ADAMTS14: variants seen among roughly 807,000 people sequenced by gnomAD.
The protein encoded by ADAMTS14 is A disintegrin and metalloproteinase with thrombospondin motifs 14.
In ADAMTS14, 100 loss-of-function variants were observed where a neutral mutation model predicts 128.6. The ratio of observed to expected loss-of-function variants is 0.78; its 90% CI spans 0.66 to 0.92. The LOEUF (loss-of-function observed/expected upper bound fraction) is 0.92. ADAMTS14 is among the 40% of genes least tolerant of loss of function. ADAMTS14 has a pLI of 0.00. For synonymous variants in ADAMTS14, 665 were observed against 653.8 expected, an observed-to-expected ratio of 1.02 and a Z score of -0.26; for missense variants, 1,562 against 1,658.6, an observed-to-expected ratio of 0.94 and a Z score of 1.01.
At chr10:70,676,423 T>C (rs1839649425) in intron 2 of ADAMTS14, among the ~76,000 whole-genome samples, 1 of 152,244 alleles carries the variant, frequency 6.6e-6, no homozygotes, top group African/African-American at 2.4e-5. Flanking sequence ...TAAATTTTCA[T>C]CCCATTGAAG....
At chr10:70,722,174 G>A (rs544657254) in intron 4 of ADAMTS14, among the ~76,000 whole-genome samples, 1 of 152,288 alleles carries the variant, frequency 6.6e-6, no homozygotes, top group East Asian at 1.9e-4. Flanking sequence ...GGACTCAATA[G>A]GATGCAGCAT....
chr10:70,704,542 GAC>G (rs1840595720), intron 3 of ADAMTS14, among the ~76,000 whole-genome samples: 1 of 148,156 alleles, frequency 6.7e-6, no homozygotes, highest in South Asian at 2.1e-4. Flanking sequence ...CTCACACATA[GAC>G]ACACACCATC....
At chr10:70,725,284 C>T (rs1841392804) in intron 4 of ADAMTS14, among the ~76,000 whole-genome samples, 2 of 152,138 alleles carry the variant, frequency 1.3e-5, no homozygotes, top group South Asian at 4.1e-4. Flanking sequence ...GAAGGCTGAA[C>T]AGGTCTCATG....
chr10:70,699,571 T>C (rs1268154383), intron 2 of ADAMTS14, among the ~76,000 whole-genome samples: 1 of 152,014 alleles, frequency 6.6e-6, no homozygotes, highest in African/African-American at 2.4e-5. Flanking sequence ...ACGAGCACGA[T>C]GATCTTGAAA....
At chr10:70,746,570 G>T (rs1310980893) in intron 15 of ADAMTS14, among the ~76,000 whole-genome samples, 1 of 152,220 alleles carries the variant, frequency 6.6e-6, no homozygotes, top group Non-Finnish European at 1.5e-5. Context: ...CACTTTGGGA[G>T]GCCAAGGTGG....
At chr10:70,737,722 C>T (rs1589319290) in intron 10 of ADAMTS14, among the ~76,000 whole-genome samples, 1 of 152,162 alleles carries the variant, frequency 6.6e-6, no homozygotes, top group South Asian at 2.1e-4. Context: ...TTAAGTTTTC[C>T]CAGGTGTTTT....
At chr10:70,723,588 A>G (rs548012642) in intron 4 of ADAMTS14, among the ~76,000 whole-genome samples, 69 of 152,350 alleles carry the variant, frequency 4.5e-4, no homozygotes, top group Admixed American at 1.9e-3. Context: ...GCGAGGATTC[A>G]GTGAAGCAAT....
intron 4 of ADAMTS14, among the ~76,000 whole-genome samples, chr10:70,713,288 T>C (rs1470842132): frequency 8.3e-6 from 1 of 120,628 alleles, no homozygotes; most frequent in South Asian, 2.8e-4. Flanking sequence ...TGTTCAGAGC[T>C]GGGTGCTGTG....
intron 15 of ADAMTS14, among the ~76,000 whole-genome samples, 160 bp from the exon 16 acceptor site, chr10:70,749,662 C>A (rs537387990): frequency 1.0e-4 from 15 of 145,846 alleles, no homozygotes; most frequent in Admixed American, 6.8e-5. Flanking sequence ...TGACAGGGAG[C>A]GTGTTGACCT....
intron 2 of ADAMTS14, among the ~76,000 whole-genome samples, chr10:70,691,748 T>G (rs1483408511): frequency 1.3e-5 from 2 of 152,128 alleles, no homozygotes; most frequent in Admixed American, 1.3e-4. Flanking sequence ...TCCCCCACGC[T>G]GGATCACTTG....
intron 2 of ADAMTS14, among the ~76,000 whole-genome samples, chr10:70,694,220 G>T (rs565425487): frequency 6.6e-6 from 1 of 152,314 alleles, no homozygotes; most frequent in South Asian, 2.1e-4. Context: ...TGCCACATGC[G>T]TGTCGTCTCT....
At position 70,742,002 on chromosome 10, in the gene ADAMTS14, C is replaced by T. The variant is rs138731903; in HGVS notation, c.1924+840C>T. On this transcript the variant is annotated intron_variant, in intron 12 of 21. Coordinates refer to ENST00000373207, the MANE Select transcript of ADAMTS14 (RefSeq NM_080722.4). ...TTGGCCCAGACAGCTCCCATCAGGA[C>T]GGGCTTTCCTCCCTGGAGCCTGGGC... Among the ~76,000 whole-genome samples the T allele has an allele frequency of 2.4e-4, 37 of 152,316 alleles. 1 individual carries two copies. Among genetic ancestry groups the T allele is most frequent in the Middle Eastern group, 3.4e-3 (1 of 294 alleles).
chr10:70,714,959 A>G (rs1480099833), intron 4 of ADAMTS14, among the ~76,000 whole-genome samples: 8 of 143,850 alleles, frequency 5.6e-5, no homozygotes, highest in African/African-American at 2.0e-4. Flanking sequence ...AAAAAAAAAA[A>G]AAAAAAAAAA....
intron 1 of ADAMTS14, among the ~76,000 whole-genome samples, chr10:70,673,491 G>A (rs1426072182): frequency 3.3e-5 from 5 of 152,148 alleles, no homozygotes; most frequent in Non-Finnish European, 7.3e-5. Context: ...CCCTCCTGGT[G>A]GCTCTGAACA....
At chr10:70,677,196 C>T (rs1281521657) in intron 2 of ADAMTS14, among the ~76,000 whole-genome samples, 2 of 152,186 alleles carry the variant, frequency 1.3e-5, no homozygotes, top group Non-Finnish European at 2.9e-5. Flanking sequence ...CACATGGCTA[C>T]GTGGTGTAGC....
At position 70,744,205 on chromosome 10, in the gene ADAMTS14, G is replaced by A. The variant is rs370875498; in HGVS notation, c.2182+16G>A. The A allele has an allele frequency of 1.0e-4, 151 of 1,510,210 alleles. No homozygotes were observed. The Middle Eastern group carries it at 1.0e-3, about 10-fold the overall frequency. The allele number at this position is 1,510,210 out of a possible 1,614,324, so 93.6% of individuals were successfully genotyped here. Reference sequence around the variant, plus strand: ...AAGCAGGCAGGTGAGCCGGGCTGGGGCTGGGGGGATGACGAGGGCTGACTG... The same window carrying A: ...AAGCAGGCAGGTGAGCCGGGCTGGGACTGGGGGGATGACGAGGGCTGACTG... On this transcript the variant is annotated intron_variant, in intron 14 of 21. Coordinates refer to ENST00000373207, the MANE Select transcript of ADAMTS14 (RefSeq NM_080722.4).
intron 2 of ADAMTS14, among the ~76,000 whole-genome samples, chr10:70,689,018 CCTTGAGGCTGG>C (rs1564521882): frequency 9.4e-6 from 1 of 106,604 alleles, no homozygotes; most frequent in East Asian, 2.1e-4. Flanking sequence ...CACATCCACC[CCTTGAGGCTGG>C]CAGGGGCCCA....
chr10:70,690,009 C>T (rs1373588787), intron 2 of ADAMTS14, among the ~76,000 whole-genome samples: 1 of 144,976 alleles, frequency 6.9e-6, no homozygotes, highest in Non-Finnish European at 1.6e-5. Context: ...TATCGCCTGT[C>T]ACCACCCTGC....
At chr10:70,692,793 G>A (rs1373735762) in intron 2 of ADAMTS14, among the ~76,000 whole-genome samples, 1 of 152,170 alleles carries the variant, frequency 6.6e-6, no homozygotes, top group Non-Finnish European at 1.5e-5. Context: ...CCCCTTTTGG[G>A]GGGTAAGGAC....
Sources: gnomAD v4.1 joint callset for allele counts (sites outside exome capture counted in the v4.1 genomes callset) on GRCh38, gnomAD v4.1.1 for gene constraint, MANE v1.5 for transcripts, NCBI Gene and HGNC (gene_info 2026-07-23, HGNC 2026-07-21) for gene names.